C10orf90: variants seen among roughly 807,000 people sequenced by gnomAD.
C10orf90 encodes the protein (E2-independent) E3 ubiquitin-conjugating enzyme FATS.
In C10orf90, 56 loss-of-function variants were observed where a neutral mutation model predicts 62.5. That is an observed-to-expected ratio of 0.90 (90% CI 0.72 to 1.12). The LOEUF (loss-of-function observed/expected upper bound fraction) is 1.12. Among genes scored for constraint, C10orf90 ranks in the 50% most tolerant of loss-of-function variants. The probability of loss-of-function intolerance (pLI) is 0.00; values close to 1 mark genes in which losing one functional copy is unlikely to be tolerated. For synonymous variants in C10orf90, 386 were observed against 340.4 expected, an observed-to-expected ratio of 1.13 and a Z score of -1.47; for missense variants, 970 against 880.4, an observed-to-expected ratio of 1.10 and a Z score of -1.29.
intron 2 of C10orf90, among the ~76,000 whole-genome samples, chr10:126,597,454 A>G (rs1237229045): frequency 6.6e-6 from 1 of 152,224 alleles, no homozygotes. Flanking sequence ...ACCAAATGCC[A>G]CAGAGCCCTG....
At position 126,461,636 on chromosome 10, in the gene C10orf90, C is replaced by T. The variant is rs759661955; in HGVS notation, c.1826-51G>A. 1.9e-5 allele frequency: 29 copies of T among 1,540,382 alleles called. No individual in the cohort carries two copies. The East Asian group carries it at 2.6e-4, about 14-fold the overall frequency. ...TTTAGAGGGCACCAAGTGATTTTCA[C>T]GTGGCTCCTCAATACCATTAGACAC... On this transcript the variant is annotated intron_variant, in intron 5 of 9. Transcript: ENST00000488181.
chr10:126,506,822 C>T (rs1862762627), intron 3 of C10orf90, among the ~76,000 whole-genome samples: 1 of 152,132 alleles, frequency 6.6e-6, no homozygotes, highest in Non-Finnish European at 1.5e-5. Flanking sequence ...TTTTTATTTT[C>T]TTCAGGGCAG....
chr10:126,613,674 A>C (rs930278809), intron 2 of C10orf90, among the ~76,000 whole-genome samples: 1 of 152,214 alleles, frequency 6.6e-6, no homozygotes, highest in Non-Finnish European at 1.5e-5. Context: ...CACTGCAGAC[A>C]AACAAGTGCT....
chr10:126,454,157 C>A (rs1859381800), intron 7 of C10orf90, among the ~76,000 whole-genome samples: 1 of 152,048 alleles, frequency 6.6e-6, no homozygotes, highest in Admixed American at 6.6e-5. Flanking sequence ...CCCCTATGAC[C>A]ACAGGGACTG....
In C10orf90 at chr10:126,649,077, C is replaced by CGCA. The variant is rs1554932161; in HGVS notation, c.241-2441_241-2440insTGC. Among the ~76,000 whole-genome samples, 3 of 118,000 alleles carry CGCA rather than the reference C, an allele frequency of 2.5e-5. 1 individual carries two copies. Among genetic ancestry groups the CGCA allele is most frequent in the African/African-American group, 1.0e-4 (3 of 30,088 alleles). The allele number at this position is 118,000 out of a possible 152,430, so 77.4% of individuals were successfully genotyped here. ...CTCTCTCTCTCTCTCTCTCTCCCCC[C>CGCA]CCCCCAGCAATTCACAATGGATGGC... is the stretch of plus-strand genomic sequence containing the variant. On this transcript the variant is annotated intron_variant, in intron 1 of 9. Transcript: ENST00000488181.
chr10:126,586,857 C>G (rs1438662835), intron 2 of C10orf90, among the ~76,000 whole-genome samples: 1 of 152,022 alleles, frequency 6.6e-6, no homozygotes, highest in Non-Finnish European at 1.5e-5. Context: ...GCTCCCCGCA[C>G]CCCCCAGCCT....
intron 7 of C10orf90, among the ~76,000 whole-genome samples, chr10:126,455,030 C>A (rs868147341): frequency 6.6e-6 from 1 of 152,036 alleles, no homozygotes; most frequent in African/African-American, 2.4e-5. Flanking sequence ...TCACAATCAC[C>A]ACCTCCCACT....
intron 2 of C10orf90, among the ~76,000 whole-genome samples, chr10:126,518,183 T>C (rs2133932222): frequency 6.6e-6 from 1 of 152,218 alleles, no homozygotes; most frequent in East Asian, 1.9e-4. Context: ...CAGCAAGGGC[T>C]CCCAAAATGT....
At chr10:126,587,876 T>C (rs1030586368) in intron 2 of C10orf90, among the ~76,000 whole-genome samples, 1 of 152,216 alleles carries the variant, frequency 6.6e-6, no homozygotes, top group Admixed American at 6.5e-5. Context: ...AGGCCCTTGT[T>C]GAATTACAAT....
At position 126,453,243 on chromosome 10, in the gene C10orf90, C is replaced by T. The variant is rs1033923142; in HGVS notation, c.2188+5797G>A. On this transcript the variant is annotated intron_variant, in intron 7 of 9. Transcript: ENST00000488181. This position sits in a 1 kb window ranked among gnomAD's most constrained non-coding sequence, Gnocchi z 4.9. ...ATGCAATTTGGATGAATTCAGTCTG[C>T]TGTGCTAGATGCAGCAGGGCCTCTC... Among the ~76,000 whole-genome samples, 3 of 152,202 alleles carry T rather than the reference C, an allele frequency of 2.0e-5. No homozygotes were observed. The highest frequency in any genetic ancestry group is 2.9e-5 in the Non-Finnish European group (2 of 68,044).
rs549925279 is a variant in C10orf90, at chr10:126,664,946, C to T, written c.240+5295G>A. ...GGCAGCATTGAGACCCAAGTACAGC[C>T]ATTTCATTTCCCTCTTGGCTCTTGG... On this transcript the variant is annotated intron_variant, in intron 1 of 9. Coordinates refer to ENST00000488181, the MANE Select transcript of C10orf90 (RefSeq NM_001350921.2). Among the ~76,000 whole-genome samples the T allele has an allele frequency of 2.0e-5, 3 of 152,328 alleles. No individual in the cohort carries two copies. In the East Asian group the frequency reaches 5.8e-4, roughly 29 times the overall value.
intron 2 of C10orf90, among the ~76,000 whole-genome samples, chr10:126,623,016 A>G (rs2842159): frequency 2.6e-5 from 4 of 152,034 alleles, no homozygotes; most frequent in Non-Finnish European, 5.9e-5. Context: ...ATCATCCTCC[A>G]TGGGAGATGT....
At chr10:126,466,937 C>T (rs543492442) in intron 4 of C10orf90, among the ~76,000 whole-genome samples, 11 of 152,304 alleles carry the variant, frequency 7.2e-5, no homozygotes, top group African/African-American at 2.6e-4. Context: ...ATATTACAGA[C>T]AGGAAAAGTC....
At chr10:126,487,619 AT>A (rs1457349365) in intron 4 of C10orf90, among the ~76,000 whole-genome samples, 2 of 152,158 alleles carry the variant, frequency 1.3e-5, no homozygotes, top group Non-Finnish European at 2.9e-5. Flanking sequence ...TGTTTTTAGG[AT>A]TTCCACTTTC....
intron 2 of C10orf90, among the ~76,000 whole-genome samples, chr10:126,544,747 A>C (rs149722792): frequency 1.3e-5 from 2 of 152,180 alleles, no homozygotes; most frequent in South Asian, 4.1e-4. Context: ...CGCATAATTC[A>C]TGGGCTGGGA....
chr10:126,470,377 C>A (rs906991770), intron 4 of C10orf90, among the ~76,000 whole-genome samples: 1 of 152,174 alleles, frequency 6.6e-6, no homozygotes, highest in Non-Finnish European at 1.5e-5. Flanking sequence ...CCAAAACCAC[C>A]TCCAATTACA....
intron 7 of C10orf90, among the ~76,000 whole-genome samples, chr10:126,437,908 T>A (rs566783667): frequency 6.6e-6 from 1 of 152,366 alleles, no homozygotes; most frequent in Non-Finnish European, 1.5e-5. Context: ...GTTAGTTCTA[T>A]GGCAGTTTAT....
intron 2 of C10orf90, among the ~76,000 whole-genome samples, chr10:126,596,652 C>T (rs1178269808): frequency 6.6e-6 from 1 of 152,170 alleles, no homozygotes; most frequent in African/African-American, 2.4e-5. Context: ...TCATCTGACA[C>T]AAAGCCTATT....
chr10:126,591,499 C>T lies in C10orf90; in HGVS notation c.313+55066G>A, dbSNP rs534266971. On this transcript the variant is annotated intron_variant, in intron 2 of 9. Coordinates refer to ENST00000488181, the MANE Select transcript of C10orf90 (RefSeq NM_001350921.2). ...AGGCCTTCAATAAAATTCAACATCC[C>T]TTCATGTTAAAAACTCTCAGCAGAC... is the stretch of plus-strand genomic sequence containing the variant. 5.9e-5 allele frequency among the ~76,000 whole-genome samples: 9 copies of T among 152,248 alleles called. No homozygotes were observed. The South Asian group carries it at 1.2e-3, about 21-fold the overall frequency.
Sources: gnomAD v4.1 joint callset for allele counts (sites outside exome capture counted in the v4.1 genomes callset) on GRCh38, gnomAD v4.1.1 for gene constraint, Gnocchi (gnomAD v3.1) non-coding constraint, MANE v1.5 for transcripts, NCBI Gene and HGNC (gene_info 2026-07-23, HGNC 2026-07-21) for gene names.